The following SASH1 variants were observed in gnomAD, a reference collection of about 807,000 sequenced individuals.
SASH1 encodes the protein SAM and SH3 domain-containing protein 1.
A neutral mutation model predicts 125.2 loss-of-function variants in SASH1; 44 were observed. The ratio of observed to expected loss-of-function variants is 0.35; its 90% CI spans 0.28 to 0.45. SASH1 has a LOEUF of 0.45. Among genes scored for constraint, SASH1 ranks in the 20% least tolerant of loss-of-function variants. The pLI is 1.00. For synonymous variants in SASH1, 639 were observed against 649.1 expected (o/e 0.98, Z 0.24); for missense variants, 1,426 against 1,614.5 (o/e 0.88, Z 2.00).
intron 2 of SASH1, among the ~76,000 whole-genome samples, chr6:148,398,017 G>A (rs892537264): frequency 4.6e-5 from 7 of 152,108 alleles, no homozygotes; most frequent in Non-Finnish European, 8.8e-5. Context: ...AGAAGGCACA[G>A]GGAAGACTGA....
At position 148,469,632 on chromosome 6, in the gene SASH1, C is replaced by CTG. The variant is rs558495894; in HGVS notation, c.427+1048_427+1049dup. Among the ~76,000 whole-genome samples, 5 of 152,120 alleles carry CTG rather than the reference C, an allele frequency of 3.3e-5. No homozygotes were observed. The South Asian group carries it at 1.0e-3, about 31-fold the overall frequency. Reference sequence around the variant, plus strand: ...CCTGTAGTCCCAGCTACTTGGGAGGCTGAGGTGGGCGGATCCCTTGAGCCC... The same window carrying CTG: ...CCTGTAGTCCCAGCTACTTGGGAGGCTGTGAGGTGGGCGGATCCCTTGAGCCC... On this transcript the variant is annotated intron_variant, in intron 5 of 19. Transcript: ENST00000367467.
intron 1 of SASH1, among the ~76,000 whole-genome samples, chr6:148,274,810 A>G (rs1275585562): frequency 6.6e-6 from 1 of 152,222 alleles, no homozygotes; most frequent in Non-Finnish European, 1.5e-5. Flanking sequence ...CCACAGTGAT[A>G]CCTGGATTAT....
chr6:148,466,330 C>T (rs1777834935), intron 4 of SASH1, among the ~76,000 whole-genome samples: 2 of 152,210 alleles, frequency 1.3e-5, no homozygotes, highest in Non-Finnish European at 2.9e-5. Context: ...ATCAACAGTT[C>T]TCTGCACTCA....
the SASH1 span, among the ~76,000 whole-genome samples, chr6:148,250,759 G>T: frequency 1.7e-4 from 26 of 152,078 alleles, 1 homozygote; most frequent in Admixed American, 6.5e-4. Flanking sequence ...ACCATCATGG[G>T]TATTTGCTTC....
In SASH1 at chr6:148,303,996, A is replaced by C. The variant is rs9791235; in HGVS notation, n.74+31619A>C. Among the ~76,000 whole-genome samples, 1,132 of 152,156 alleles carry C rather than the reference A, an allele frequency of 7.4e-3. 103 individuals carry two copies. The East Asian group carries it at 0.19, about 25-fold the overall frequency. ...AAATGCCTATATTTAAAAGGAAGAA[A>C]GATCTCAAATTAATAACCAAATCGG... On this transcript the variant is annotated intron_variant and non_coding_transcript_variant, in intron 1 of 3. Transcript: ENST00000367469.
At chr6:148,279,255 T>G (rs1779272251) in intron 1 of SASH1, among the ~76,000 whole-genome samples, 1 of 152,084 alleles carries the variant, frequency 6.6e-6, no homozygotes, top group African/African-American at 2.4e-5. Context: ...CCCCCAAAAG[T>G]GCTAGGATTA....
intron 2 of SASH1, among the ~76,000 whole-genome samples, chr6:148,403,004 A>G (rs1183396645): frequency 6.6e-6 from 1 of 152,188 alleles, no homozygotes; most frequent in Non-Finnish European, 1.5e-5. Flanking sequence ...TATTATTTAT[A>G]GTAGAGATAT....
At chr6:148,395,242 A>G (rs1042118096) in intron 2 of SASH1, among the ~76,000 whole-genome samples, 1 of 152,212 alleles carries the variant, frequency 6.6e-6, no homozygotes, top group Non-Finnish European at 1.5e-5. Context: ...CAGATAGGAT[A>G]CTTAGATATT....
At chr6:148,452,488 G>A (rs574409609) in intron 4 of SASH1, among the ~76,000 whole-genome samples, 2 of 152,340 alleles carry the variant, frequency 1.3e-5, no homozygotes, top group South Asian at 4.1e-4. Flanking sequence ...ATCCCACTAT[G>A]TTGTAGCTGG....
intron 1 of SASH1, among the ~76,000 whole-genome samples, chr6:148,314,885 T>C (rs1161760020): frequency 6.6e-6 from 1 of 151,456 alleles, no homozygotes; most frequent in African/African-American, 2.4e-5. Flanking sequence ...GCCTCCCGAA[T>C]AGCTGGGATT....
At chr6:148,413,057 T>C (rs1193901362) in intron 2 of SASH1, among the ~76,000 whole-genome samples, 3 of 152,220 alleles carry the variant, frequency 2.0e-5, no homozygotes, top group African/African-American at 7.2e-5. Flanking sequence ...TGAGCTACTT[T>C]GGTATTTGAT....
the SASH1 span, among the ~76,000 whole-genome samples, chr6:148,257,628 CTTTTTTT>C: frequency 3.9e-5 from 5 of 127,136 alleles, no homozygotes; most frequent in East Asian, 8.9e-4. Flanking sequence ...TGTCAGTTTA[CTTTTTTT>C]TTTTTTTTTT....
upstream of SASH1, among the ~76,000 whole-genome samples, chr6:148,269,838 T>G (rs1779022083): frequency 6.6e-6 from 1 of 152,194 alleles, no homozygotes; most frequent in Non-Finnish European, 1.5e-5. Flanking sequence ...AAATCATAGC[T>G]GATAAATGAA....
chr6:148,349,346 C>T (rs1318968427), intron 1 of SASH1, among the ~76,000 whole-genome samples: 1 of 140,970 alleles, frequency 7.1e-6, no homozygotes, highest in African/African-American at 2.6e-5. Flanking sequence ...CACTGCAACC[C>T]TCAACCTTCC....
At chr6:148,377,010 A>T (rs567959362) in intron 1 of SASH1, among the ~76,000 whole-genome samples, 1 of 150,688 alleles carries the variant, frequency 6.6e-6, no homozygotes, top group East Asian at 1.9e-4. Flanking sequence ...CTCTACTAAA[A>T]ATACAAAAAA....
chr6:148,214,848 G>T, the SASH1 span, among the ~76,000 whole-genome samples: 1 of 152,172 alleles, frequency 6.6e-6, no homozygotes, highest in East Asian at 1.9e-4. Flanking sequence ...GTCTGTAGGG[G>T]CTCAATGTGT....
At chr6:148,256,258 A>T in the SASH1 span, among the ~76,000 whole-genome samples, 1 of 152,244 alleles carries the variant, frequency 6.6e-6, no homozygotes, top group South Asian at 2.1e-4. Flanking sequence ...CAACAAAGAT[A>T]TAACTCATCT....
At chr6:148,221,499 A>C in the SASH1 span, among the ~76,000 whole-genome samples, 1 of 152,218 alleles carries the variant, frequency 6.6e-6, no homozygotes, top group Non-Finnish European at 1.5e-5. Context: ...CTGTATTTAA[A>C]GGGTTTGGGG....
At chr6:148,447,118 T>C (rs1318643336) in intron 4 of SASH1, among the ~76,000 whole-genome samples, 1 of 152,190 alleles carries the variant, frequency 6.6e-6, no homozygotes. Context: ...AAAATAAATC[T>C]CAAAACTTCA....
Sources: gnomAD v4.1 joint callset for allele counts (sites outside exome capture counted in the v4.1 genomes callset) on GRCh38, gnomAD v4.1.1 for gene constraint, MANE v1.5 for transcripts, NCBI Gene and HGNC (gene_info 2026-07-23, HGNC 2026-07-21) for gene names.